Variants in OPA1 observed in about 807,000 individuals in gnomAD.
The protein encoded by OPA1 is OPA1 mitochondrial dynamin like GTPase.
OPA1 carries 59 observed loss-of-function variants against 152.9 expected under a neutral mutation model. The observed-to-expected ratio is 0.39, with a 90% confidence interval of 0.31 to 0.48. OPA1 has a LOEUF of 0.48. OPA1 is among the 20% of genes least tolerant of loss of function. OPA1 has a pLI of 0.96. For missense variants in OPA1, 1,008 were observed against 1,216.8 expected (o/e 0.83, Z 2.55); for synonymous variants, 400 against 389.9 (o/e 1.03, Z -0.31).
chr3:193,681,534 G>A lies in OPA1; in HGVS notation c.2984-10529G>A, dbSNP rs189524550. Among the ~76,000 whole-genome samples, 6 of 152,144 alleles carry A rather than the reference G, an allele frequency of 3.9e-5. No individual in the cohort carries two copies. The South Asian group carries it at 6.2e-4, about 16-fold the overall frequency. On this transcript the variant is annotated intron_variant, in intron 29 of 30. Coordinates refer to ENST00000361510, the MANE Select transcript of OPA1 (RefSeq NM_130837.3). ...CAAAGTGCATGCTCAAGGGTTCTACGTACAGGCAGACCTCATTGTATTGCA... is the reference window on the plus strand; with the variant it reads ...CAAAGTGCATGCTCAAGGGTTCTACATACAGGCAGACCTCATTGTATTGCA...
rs1449438236 is a variant in OPA1, at chr3:193,644,055, G to A, written c.1558G>A (p.Val520Ile). ...CCCTCATGGAAGGAGAACCATATTC[G>A]TTTTGACCAAAGTAGACCTGGCAGA... The part of the protein sequence containing the change: ...MDPHGRRTIF[V>I]LTKVDLAEKN... Residue 520 changes from valine (V) to isoleucine (I), a missense_variant, in exon 16 of 31, where the codon GTT (valine) becomes ATT (isoleucine). This residue lies in a region of OPA1 where 213 missense variants were observed against 291.4 expected (regional missense o/e 0.73). Coordinates refer to ENST00000361510, the MANE Select transcript of OPA1 (RefSeq NM_130837.3). The A allele has an allele frequency of 3.1e-6, 5 of 1,613,534 alleles. No homozygotes were observed. Among genetic ancestry groups the A allele is most frequent in the East Asian group, 2.2e-5 (1 of 44,868 alleles).
Position 193,647,783 on chromosome 3 carries a change from G to A in OPA1, c.1871-287G>A, listed in dbSNP as rs115240944. Among the ~76,000 whole-genome samples the A allele has an allele frequency of 3.6e-3, 541 of 152,270 alleles. 5 individuals carry two copies. The highest frequency in any genetic ancestry group is 0.013 in the African/African-American group (525 of 41,554). ...TGGGTAATAGGCCCAGGATTTGGCT[G>A]TTGGTGGTACAACTGCAGAGTCCAT... On this transcript the variant is annotated intron_variant, in intron 19 of 30. Transcript: ENST00000361510.
intron 19 of OPA1, among the ~76,000 whole-genome samples, 185 bp downstream of exon 19, chr3:193,647,365 C>G (rs1318979653): frequency 6.6e-6 from 1 of 152,120 alleles, no homozygotes; most frequent in Non-Finnish European, 1.5e-5. Context: ...AAGATTTTTC[C>G]TTTCAGAGGA....
At chr3:193,688,195 CATTG>C (rs1414710610) in intron 29 of OPA1, among the ~76,000 whole-genome samples, 2 of 152,130 alleles carry the variant, frequency 1.3e-5, no homozygotes, top group African/African-American at 4.8e-5. Context: ...CTTCGTTTAT[CATTG>C]ATTGACCGTA....
At chr3:193,678,657 C>T (rs1719590374) in intron 29 of OPA1, among the ~76,000 whole-genome samples, 1 of 152,104 alleles carries the variant, frequency 6.6e-6, no homozygotes, top group Non-Finnish European at 1.5e-5. Flanking sequence ...AAAATGAAAC[C>T]TATGGTACCC....
At chr3:193,679,463 T>C (rs1466672075) in intron 29 of OPA1, among the ~76,000 whole-genome samples, 1 of 152,132 alleles carries the variant, frequency 6.6e-6, no homozygotes, top group Non-Finnish European at 1.5e-5. Flanking sequence ...TCCATGTGTG[T>C]CTGTAAAGTC....
At chr3:193,626,897 C>T (rs1056934941) in intron 7 of OPA1, among the ~76,000 whole-genome samples, 5 of 151,938 alleles carry the variant, frequency 3.3e-5, no homozygotes, top group East Asian at 1.9e-4. Flanking sequence ...TCAGCAGGTC[C>T]GTAAAAATAT....
At chr3:193,603,965 TAAG>T (rs1324668448) in intron 1 of OPA1, among the ~76,000 whole-genome samples, 3 of 152,126 alleles carry the variant, frequency 2.0e-5, no homozygotes, top group Admixed American at 6.5e-5. Context: ...TAGATGAAGA[TAAG>T]AAGGAGATAG....
chr3:193,647,039 TA>T (rs1560379779), intron 18 of OPA1, 25 bp from the exon 19 acceptor site: 1 of 1,449,124 alleles, frequency 6.9e-7, no homozygotes, highest in Non-Finnish European at 9.6e-7. Flanking sequence ...TAATATACTT[TA>T]GCTCTTGTTA....
chr3:193,604,864 AAAAAAAAAAAAG>A lies in OPA1; in HGVS notation c.33-9852_33-9841del, dbSNP rs1405005855. On this transcript the variant is annotated intron_variant, in intron 1 of 30. Transcript: ENST00000361510. ...AACAAGAGTGAAACTCCATCTCAAAAAAAAAAAAAAAGAAAAAAGAAAAGAAAAAATTGAAGT... is the reference window on the plus strand; with the variant it reads ...AACAAGAGTGAAACTCCATCTCAAAAAAAAAAGAAAAGAAAAAATTGAAGT... Among the ~76,000 whole-genome samples the A allele has an allele frequency of 1.3e-4, 19 of 149,442 alleles. No homozygotes were observed. In the East Asian group the frequency reaches 3.7e-3, roughly 29 times the overall value.
At chr3:193,684,577 G>C (rs1347423008) in intron 29 of OPA1, among the ~76,000 whole-genome samples, 2 of 150,656 alleles carry the variant, frequency 1.3e-5, no homozygotes, top group African/African-American at 2.4e-5. Flanking sequence ...CAGCCTCCCA[G>C]GTAGCTGGGA....
chr3:193,600,874 C>A (rs1353924538), intron 1 of OPA1, among the ~76,000 whole-genome samples: 1 of 152,134 alleles, frequency 6.6e-6, no homozygotes, highest in Non-Finnish European at 1.5e-5. Flanking sequence ...TGAGAGATTT[C>A]TTTATTGTAC....
intron 1 of OPA1, 27 bp from the exon 2 acceptor site, chr3:193,614,696 T>A: frequency 6.5e-7 from 1 of 1,546,712 alleles, no homozygotes; most frequent in Non-Finnish European, 8.9e-7. Flanking sequence ...CTCTCTGATC[T>A]TTCTTCCATA....
intron 8 of OPA1, among the ~76,000 whole-genome samples, chr3:193,632,114 A>G (rs1732173317): frequency 6.6e-6 from 1 of 152,212 alleles, no homozygotes; most frequent in South Asian, 2.1e-4. Flanking sequence ...ATTTTCTTAT[A>G]GTTGGTGATA....
intron 25 of OPA1, among the ~76,000 whole-genome samples, chr3:193,661,773 G>C (rs1489414497): frequency 6.6e-6 from 1 of 152,108 alleles, no homozygotes; most frequent in Non-Finnish European, 1.5e-5. Context: ...GGTAGAAAGG[G>C]GGAAGTAAAA....
At chr3:193,648,515 A>G (rs185031995) in intron 20 of OPA1, 258 of 402,874 alleles carry the variant, frequency 6.4e-4, no homozygotes, top group Non-Finnish European at 1.1e-3. Flanking sequence ...CTGATGTACT[A>G]AATTAATATG....
intron 1 of OPA1, among the ~76,000 whole-genome samples, chr3:193,607,675 T>C (rs190483511): frequency 2.6e-5 from 4 of 151,770 alleles, no homozygotes; most frequent in Non-Finnish European, 5.9e-5. Context: ...TAGCCTTGTA[T>C]AGTTTGAAGT....
At position 193,614,948 on chromosome 3, in the gene OPA1, G is replaced by T; in HGVS notation, c.258G>T (p.Arg86Ser). Residue 86 changes from arginine to serine, a missense_variant, in exon 2 of 31, where the codon AGG becomes AGT. Physicochemically the swap from Arg to Ser is moderately radical, Grantham distance 110. Transcript: ENST00000361510. ...SPIKYGYQPR[R>S]NFWPARLATR... ...TTAAATATGGCTACCAGCCTCGCAG[G>T]AATTTTTGGCCAGCAAGATTAGCTA... 1 of 1,614,026 alleles carries T rather than the reference G, an allele frequency of 6.2e-7. No homozygotes were observed. Among genetic ancestry groups the T allele is most frequent in the Non-Finnish European group, 8.5e-7 (1 of 1,179,946 alleles).
chr3:193,655,207 G>A (rs1011433316), intron 22 of OPA1, among the ~76,000 whole-genome samples, 180 bp downstream of exon 22: 5 of 151,910 alleles, frequency 3.3e-5, no homozygotes, highest in East Asian at 3.9e-4. Context: ...CAGTTACTAC[G>A]GTTATAAAAA....
Sources: gnomAD v4.1 joint callset for allele counts (sites outside exome capture counted in the v4.1 genomes callset) on GRCh38, gnomAD v4.1.1 for gene constraint, gnomAD v4.1.1 regional missense constraint, MANE v1.5 for transcripts, NCBI Gene and HGNC (gene_info 2026-07-23, HGNC 2026-07-21) for gene names.